Variants in RNF212B observed in about 807,000 individuals in gnomAD.
The protein encoded by RNF212B is E3 ubiquitin-protein ligase RNF212B.
Under a neutral mutation model 55.5 loss-of-function variants are expected in RNF212B, and 52 were observed. The ratio of observed to expected loss-of-function variants is 0.94; its 90% confidence interval spans 0.75 to 1.18. The LOEUF is 1.18. Ranked by LOEUF, RNF212B falls within the 50% of genes most tolerant of loss-of-function variation. The probability of loss-of-function intolerance (pLI) is 0.00; values close to 1 mark genes in which losing one functional copy is unlikely to be tolerated. For missense variants in RNF212B, 289 were observed against 350.4 expected, an observed-to-expected ratio of 0.82 and a Z score of 1.40; for synonymous variants, 99 against 121.4, an observed-to-expected ratio of 0.82 and a Z score of 1.21.
intron 1 of RNF212B, among the ~76,000 whole-genome samples, chr14:23,188,586 C>A (rs1188629143): frequency 1.3e-5 from 2 of 151,906 alleles, no homozygotes; most frequent in African/African-American, 2.4e-5. Context: ...CCTGCCTCAG[C>A]CTCTCAAGTA....
chr14:23,258,176 T>TA (rs1884989373), intron 4 of RNF212B, among the ~76,000 whole-genome samples: 1 of 151,968 alleles, frequency 6.6e-6, no homozygotes, highest in Non-Finnish European at 1.5e-5. Context: ...CCGTCTCTAC[T>TA]AAAAATACAA....
chr14:23,191,497 T>C (rs896530462), intron 1 of RNF212B, among the ~76,000 whole-genome samples: 4 of 152,164 alleles, frequency 2.6e-5, no homozygotes, highest in African/African-American at 7.2e-5. Flanking sequence ...CTCTGAACTA[T>C]TGATGTTGTT....
At chr14:23,272,759 G>A (rs1056551753) in intron 14 of RNF212B, 64 bp from the exon 15 acceptor site, 6 of 999,556 alleles carry the variant, frequency 6.0e-6, no homozygotes, top group African/African-American at 1.6e-5. Context: ...ACAGGTCAGA[G>A]AGACTTGCTT....
intron 4 of RNF212B, among the ~76,000 whole-genome samples, chr14:23,255,950 C>T (rs933935852): frequency 2.0e-5 from 3 of 152,150 alleles, no homozygotes; most frequent in Non-Finnish European, 4.4e-5. Flanking sequence ...TTCTTTAATA[C>T]TCCTTGCTGG....
chr14:23,201,972 C>T (rs1040657802), intron 2 of RNF212B, among the ~76,000 whole-genome samples: 5 of 151,968 alleles, frequency 3.3e-5, no homozygotes, highest in African/African-American at 4.8e-5. Context: ...AGTTGGAGGC[C>T]GGGCACAGTA....
At chr14:23,187,752 A>G (rs2140351817) in intron 1 of RNF212B, among the ~76,000 whole-genome samples, 2 of 152,264 alleles carry the variant, frequency 1.3e-5, no homozygotes, top group South Asian at 4.1e-4. Flanking sequence ...TATGTGCCCC[A>G]TATCTATGTG....
chr14:23,213,169 CG>C (rs1880707066), intron 2 of RNF212B, among the ~76,000 whole-genome samples: 1 of 151,532 alleles, frequency 6.6e-6, no homozygotes, highest in African/African-American at 2.4e-5. Context: ...AAAAATTAGC[CG>C]GGCGTGGTGG....
rs1032154817 is a variant in RNF212B, at chr14:23,208,919, T to C, written c.-2+15518T>C. On this transcript the variant is annotated intron_variant, in intron 2 of 15. Transcript: ENST00000399910. ...GACTACAGGTGCCCGCCACTACGCC[T>C]GGCTAATTTTTTGTATTTTTAGTAG... Among the ~76,000 whole-genome samples, 45 of 151,686 alleles carry C rather than the reference T, an allele frequency of 3.0e-4. No homozygotes were observed. The South Asian group carries it at 3.7e-3, about 13-fold the overall frequency.
intron 9 of RNF212B, 89 bp downstream of exon 9, chr14:23,263,059 A>AT (rs1339786519): frequency 8.4e-7 from 1 of 1,194,150 alleles, no homozygotes; most frequent in Non-Finnish European, 1.2e-6. Context: ...GACTGATGAA[A>AT]TTTTAGGTCT....
chr14:23,207,559 C>G (rs1231995466), intron 2 of RNF212B, among the ~76,000 whole-genome samples: 2 of 152,210 alleles, frequency 1.3e-5, no homozygotes, highest in Non-Finnish European at 2.9e-5. Context: ...TTTCAGACCT[C>G]AGCAAATTGT....
At chr14:23,214,698 A>C (rs1195135884) in intron 2 of RNF212B, among the ~76,000 whole-genome samples, 5 of 151,900 alleles carry the variant, frequency 3.3e-5, no homozygotes, top group Non-Finnish European at 5.9e-5. Flanking sequence ...CAAAATAGAG[A>C]GAAAACGGGC....
chr14:23,248,731 C>T (rs1044634274), intron 4 of RNF212B, among the ~76,000 whole-genome samples: 2 of 151,728 alleles, frequency 1.3e-5, no homozygotes, highest in South Asian at 2.1e-4. Context: ...TGAGCCATCA[C>T]GCCCGGCCCC....
chr14:23,204,333 AT>A (rs1212778204), intron 2 of RNF212B, among the ~76,000 whole-genome samples: 1 of 152,218 alleles, frequency 6.6e-6, no homozygotes, highest in Non-Finnish European at 1.5e-5. Context: ...TTCCAAAATT[AT>A]CTTCTAGAGT....
intron 4 of RNF212B, among the ~76,000 whole-genome samples, chr14:23,247,487 C>T (rs1355036538): frequency 6.9e-6 from 1 of 145,760 alleles, no homozygotes; most frequent in African/African-American, 2.5e-5. Flanking sequence ...CAGGGCATTT[C>T]ATAAATATGG....
At chr14:23,253,864 G>A (rs563446833) in intron 4 of RNF212B, among the ~76,000 whole-genome samples, 234 of 152,296 alleles carry the variant, frequency 1.5e-3, no homozygotes, top group African/African-American at 5.4e-3. Flanking sequence ...CAAAGAGATC[G>A]TGAATTTACC....
chr14:23,273,151 A>C lies in RNF212B; in HGVS notation c.*260A>C. 3.4e-6 allele frequency: 1 copy of C among 296,454 alleles called. No homozygotes were observed. 18.4% of individuals were successfully genotyped at this position (296,454 alleles called of 1,614,324 possible). On this transcript the variant is annotated 3_prime_UTR_variant, in exon 15 of 15. Coordinates refer to ENST00000430154, the MANE Select transcript of RNF212B (RefSeq NM_001282322.3). ...CTGGTAGCTCCCCTCATTTCCTACAATTTGGAACAAAGGTCAAAAAAATAA... is the reference window on the plus strand; with the variant it reads ...CTGGTAGCTCCCCTCATTTCCTACACTTTGGAACAAAGGTCAAAAAAATAA...
upstream of RNF212B, among the ~76,000 whole-genome samples, chr14:23,233,269 C>CGGAAGG (rs1353062183): frequency 3.3e-5 from 5 of 152,108 alleles, no homozygotes; most frequent in African/African-American, 9.7e-5. Context: ...ACAAACACTG[C>CGGAAGG]GGAAGGCCGC....
intron 2 of RNF212B, among the ~76,000 whole-genome samples, chr14:23,213,689 C>CAT (rs879621177): frequency 0.085 from 12,987 of 151,900 alleles, 1,438 homozygotes; most frequent in African/African-American, 0.26. Flanking sequence ...ACTGTGTGCT[C>CAT]TACCTAAACA....
chr14:23,254,278 CTT>C (rs1884622603), intron 4 of RNF212B, among the ~76,000 whole-genome samples: 1 of 121,354 alleles, frequency 8.2e-6, no homozygotes, highest in Admixed American at 7.6e-5. Context: ...GAGCAATACT[CTT>C]TATCTCAAAA....
Sources: gnomAD v4.1 joint callset for allele counts (sites outside exome capture counted in the v4.1 genomes callset) on GRCh38, gnomAD v4.1.1 for gene constraint, MANE v1.5 for transcripts, NCBI Gene and HGNC (gene_info 2026-07-23, HGNC 2026-07-21) for gene names.